EML4: variants seen among roughly 807,000 people sequenced by gnomAD.
EML4 encodes the protein echinoderm microtubule-associated protein-like 4.
A neutral mutation model predicts 129.0 loss-of-function variants in EML4; 72 were observed. That is an observed-to-expected ratio of 0.56 (90% CI 0.46 to 0.68). The LOEUF (loss-of-function observed/expected upper bound fraction) is 0.68. Ranked by LOEUF, EML4 falls within the 30% of genes least tolerant of loss-of-function variation. The pLI is 0.00. For synonymous variants in EML4, 532 were observed against 405.0 expected, an observed-to-expected ratio of 1.31 and a Z score of -3.77; for missense variants, 1,363 against 1,190.6, an observed-to-expected ratio of 1.14 and a Z score of -2.13.
At chr2:42,234,307 G>C (rs1674526107) in intron 1 of EML4, among the ~76,000 whole-genome samples, 1 of 152,222 alleles carries the variant, frequency 6.6e-6, no homozygotes, top group Non-Finnish European at 1.5e-5. Flanking sequence ...GATCTAGAGA[G>C]CTGAGATTTG....
At chr2:42,270,806 GGAA>G (rs780583532) in intron 6 of EML4, among the ~76,000 whole-genome samples, 1 of 152,214 alleles carries the variant, frequency 6.6e-6, no homozygotes, top group Non-Finnish European at 1.5e-5. Context: ...CCCGAATTTA[GGAA>G]GAAGTTTGTT....
intron 17 of EML4, among the ~76,000 whole-genome samples, chr2:42,314,814 C>G (rs889712432): frequency 4.6e-5 from 7 of 152,122 alleles, no homozygotes; most frequent in African/African-American, 1.7e-4. Context: ...GCTTTATATC[C>G]CTGGTCTTAC....
chr2:42,301,814 A>G (rs1466073514), intron 14 of EML4, among the ~76,000 whole-genome samples: 2 of 152,146 alleles, frequency 1.3e-5, no homozygotes, highest in East Asian at 1.9e-4. Context: ...GAAGATAGAT[A>G]ATAAAGAGTT....
intron 11 of EML4, among the ~76,000 whole-genome samples, chr2:42,293,048 A>G (rs1031822446): frequency 6.6e-6 from 1 of 152,144 alleles, no homozygotes; most frequent in Admixed American, 6.6e-5. Context: ...ATAGTTCTAT[A>G]CTACTGCATC....
rs375707062 is a variant in EML4, at chr2:42,306,484, C to CTTTTTTTTTTTTTTTTTT, written c.1967+1942_1967+1959dup. Among the ~76,000 whole-genome samples the CTTTTTTTTTTTTTTTTTT allele has an allele frequency of 3.7e-3, 273 of 74,600 alleles. 41 individuals are homozygous for CTTTTTTTTTTTTTTTTTT. The highest frequency in any genetic ancestry group is 0.015 in the East Asian group (26 of 1,790). 48.9% of individuals were successfully genotyped at this position (74,600 alleles called of 152,430 possible). On this transcript the variant is annotated intron_variant, in intron 17 of 22. Coordinates refer to ENST00000318522, the MANE Select transcript of EML4 (RefSeq NM_019063.5). ...GTGTCTGATGACCTTGTGCTAAATC[C>CTTTTTTTTTTTTTTTTTT]TTTTTTTTTTTTTTTTTTTTTTTTT...
intron 1 of EML4, among the ~76,000 whole-genome samples, chr2:42,244,468 T>TAACTTTG (rs1675256074): frequency 6.6e-6 from 1 of 152,236 alleles, no homozygotes; most frequent in Non-Finnish European, 1.5e-5. Flanking sequence ...TAAAGTTACA[T>TAACTTTG]AACTTTGCAA....
intron 1 of EML4, among the ~76,000 whole-genome samples, chr2:42,243,671 T>A (rs1171414009): frequency 6.6e-6 from 1 of 152,182 alleles, no homozygotes; most frequent in African/African-American, 2.4e-5. Context: ...AAGATAAGAC[T>A]GTCAGTGAAA....
chr2:42,287,132 G>C (rs893563577), intron 10 of EML4, among the ~76,000 whole-genome samples: 1 of 152,064 alleles, frequency 6.6e-6, no homozygotes, highest in Non-Finnish European at 1.5e-5. Flanking sequence ...TCAGTTCTTA[G>C]CCATTGGCAA....
intron 1 of EML4, among the ~76,000 whole-genome samples, chr2:42,208,260 T>C (rs1280272324): frequency 1.3e-5 from 2 of 152,186 alleles, no homozygotes; most frequent in Admixed American, 1.3e-4. Context: ...TTCTCAAACC[T>C]ACTTTGAATC....
In EML4 at chr2:42,194,998, C is replaced by G. The variant is rs141438539; in HGVS notation, c.25+25362C>G. Among the ~76,000 whole-genome samples the G allele has an allele frequency of 6.4e-3, 976 of 152,166 alleles. 15 individuals carry two copies. The highest frequency in any genetic ancestry group is 0.022 in the African/African-American group (910 of 41,526). The stretch of plus-strand genomic sequence containing the variant: ...TTTGGCAAAGACTTTGCTTTATTTC[C>G]AAATCAGGTAATCAGTATTATATTA... On this transcript the variant is annotated intron_variant, in intron 1 of 22. Coordinates refer to ENST00000318522, the MANE Select transcript of EML4 (RefSeq NM_019063.5).
intron 11 of EML4, among the ~76,000 whole-genome samples, chr2:42,293,235 A>G (rs954914267): frequency 2.6e-5 from 4 of 151,786 alleles, no homozygotes; most frequent in African/African-American, 7.3e-5. Flanking sequence ...TCAGCCTCCC[A>G]AGTAGCTAAA....
intron 9 of EML4, among the ~76,000 whole-genome samples, chr2:42,285,466 G>C (rs1198917157): frequency 3.3e-5 from 5 of 152,084 alleles, no homozygotes; most frequent in African/African-American, 1.2e-4. Flanking sequence ...CTATTTAAGG[G>C]CTGTTTAGCA....
intron 1 of EML4, among the ~76,000 whole-genome samples, chr2:42,243,660 A>G (rs1415770301): frequency 6.7e-6 from 1 of 150,290 alleles, no homozygotes; most frequent in Non-Finnish European, 1.5e-5. Context: ...TCTACGTCTC[A>G]AAGATAAGAC....
chr2:42,170,045 A>C, intron 1 of EML4: 2 of 165,994 alleles, frequency 1.2e-5, no homozygotes, highest in Non-Finnish European at 2.6e-5. Context: ...CTTTCCACAT[A>C]CACGCCTCTC....
intron 1 of EML4, among the ~76,000 whole-genome samples, chr2:42,221,159 T>C (rs1394566365): frequency 6.6e-6 from 1 of 152,026 alleles, no homozygotes; most frequent in Non-Finnish European, 1.5e-5. Flanking sequence ...CAACACTGTC[T>C]TATATTAGAA....
chr2:42,325,231 C>T (rs368657142), intron 19 of EML4: 1 of 583,098 alleles, frequency 1.7e-6, no homozygotes. Context: ...TTGGAAGTGT[C>T]TAATACAGGT....
chr2:42,212,809 G>A (rs1178936987), intron 1 of EML4, among the ~76,000 whole-genome samples: 1 of 152,182 alleles, frequency 6.6e-6, no homozygotes, highest in Non-Finnish European at 1.5e-5. Context: ...AAGTATACCT[G>A]TGGATATTTT....
chr2:42,226,681 TAAATA>T (rs1673984596), intron 1 of EML4, among the ~76,000 whole-genome samples: 1 of 138,626 alleles, frequency 7.2e-6, no homozygotes, highest in Non-Finnish European at 1.5e-5. Flanking sequence ...TAAAATAAAA[TAAATA>T]AAATAAATTA....
At chr2:42,198,741 G>T (rs1198512505) in intron 1 of EML4, among the ~76,000 whole-genome samples, 2 of 152,182 alleles carry the variant, frequency 1.3e-5, no homozygotes, top group Admixed American at 1.3e-4. Context: ...GAGGCAATGG[G>T]AGTTGGAGTT....
Sources: gnomAD v4.1 joint callset for allele counts (sites outside exome capture counted in the v4.1 genomes callset) on GRCh38, gnomAD v4.1.1 for gene constraint, MANE v1.5 for transcripts, NCBI Gene and HGNC (gene_info 2026-07-23, HGNC 2026-07-21) for gene names.